Variants in ZNF254 observed in about 807,000 individuals in gnomAD.
ZNF254 encodes the protein CTD-2017D11.1.
ZNF254 carries 10 observed loss-of-function variants against 12.4 expected under a neutral mutation model. The ratio of observed to expected loss-of-function variants is 0.80; its 90% CI spans 0.50 to 1.36. The LOEUF is 1.36. ZNF254 is among the 40% of genes most tolerant of loss of function. ZNF254 has a pLI of 0.00. For synonymous variants in ZNF254, 305 were observed against 253.4 expected, an observed-to-expected ratio of 1.20 and a Z score of -1.93; for missense variants, 996 against 763.9, an observed-to-expected ratio of 1.30 and a Z score of -3.58.
intron 1 of ZNF254, among the ~76,000 whole-genome samples, chr19:24,044,133 A>T (rs529058803): frequency 6.6e-6 from 1 of 151,864 alleles, no homozygotes; most frequent in Admixed American, 6.6e-5. Flanking sequence ...CTAGCTACTC[A>T]GGAGGCAGAG....
intron 3 of ZNF254, among the ~76,000 whole-genome samples, chr19:24,115,206 C>T (rs568697022): frequency 2.6e-5 from 4 of 152,080 alleles, no homozygotes; most frequent in South Asian, 2.1e-4. Context: ...AATCATGCTG[C>T]TATAAAGACA....
chr19:24,124,791 CAA>C (rs200235018), intron 3 of ZNF254, among the ~76,000 whole-genome samples: 4,627 of 147,626 alleles, frequency 0.031, 122 homozygotes, highest in South Asian at 0.064. Flanking sequence ...TTTTTGGAAA[CAA>C]GAGTCTCACT....
chr19:24,111,432 T>C (rs1339859264), intron 3 of ZNF254, among the ~76,000 whole-genome samples: 3 of 152,214 alleles, frequency 2.0e-5, no homozygotes, highest in Non-Finnish European at 4.4e-5. Flanking sequence ...TGTGTCTTTA[T>C]AGCAGCATGA....
chr19:24,118,391 A>G (rs1038279951), intron 3 of ZNF254, among the ~76,000 whole-genome samples: 1 of 152,062 alleles, frequency 6.6e-6, no homozygotes, highest in Non-Finnish European at 1.5e-5. Flanking sequence ...GGTGTTTTTA[A>G]AAAATTGATA....
chr19:24,124,387 AG>A (rs1168791263), intron 3 of ZNF254, among the ~76,000 whole-genome samples: 2 of 152,146 alleles, frequency 1.3e-5, no homozygotes, highest in Admixed American at 6.6e-5. Flanking sequence ...CTGCACCACT[AG>A]GGTAATGCTA....
chr19:24,062,087 CAA>C (rs72097158), intron 2 of ZNF254, among the ~76,000 whole-genome samples: 7 of 115,068 alleles, frequency 6.1e-5, no homozygotes, highest in Admixed American at 9.4e-5. Flanking sequence ...CTCTGTCTCA[CAA>C]AAAAAAAAAA....
intron 1 of ZNF254, among the ~76,000 whole-genome samples, chr19:24,042,000 G>A (rs534206194): frequency 7.3e-6 from 1 of 137,832 alleles, no homozygotes; most frequent in Non-Finnish European, 1.6e-5. Context: ...TGCACCAGTC[G>A]ACACTCTGTA....
At chr19:24,041,618 C>G (rs1189840989) in intron 1 of ZNF254, among the ~76,000 whole-genome samples, 1 of 152,258 alleles carries the variant, frequency 6.6e-6, no homozygotes, top group Non-Finnish European at 1.5e-5. Context: ...GGCTCCTGTG[C>G]GGCCCGAGCC....
At chr19:24,090,591 C>A (rs1036281029) in intron 1 of ZNF254, among the ~76,000 whole-genome samples, 6 of 152,052 alleles carry the variant, frequency 3.9e-5, no homozygotes, top group Non-Finnish European at 1.5e-5. Context: ...TGTGCACCAC[C>A]ACACTCAGCT....
At position 24,106,387 on chromosome 19, in the gene ZNF254, A is replaced by G. The variant is rs899163614; in HGVS notation, c.158-161A>G. On this transcript the variant is annotated intron_variant, in intron 2 of 3. Transcript: ENST00000357002. The stretch of plus-strand genomic sequence containing the variant: ...AGGCAGTGAAATTAAGAACCTAAAA[A>G]ATTAAAATATTTCCTAAATATTTAA... 2.2e-5 allele frequency: 13 copies of G among 589,282 alleles called. No homozygotes were observed. The Admixed American group carries it at 5.2e-4, about 24-fold the overall frequency. The allele number at this position is 589,282 out of a possible 1,614,324, so 36.5% of individuals were successfully genotyped here.
At chr19:24,112,523 C>G (rs976685930) in intron 3 of ZNF254, among the ~76,000 whole-genome samples, 1 of 149,976 alleles carries the variant, frequency 6.7e-6, no homozygotes, top group East Asian at 2.0e-4. Context: ...GGCATTGAAT[C>G]TATAAATTAC....
rs1974871669 is a variant in ZNF254, at chr19:24,126,666, C to T, written c.666C>T (p.Ser222=). The part of the protein sequence containing the change: ...CKECGKTFNW[S]STLTNHRKIY... The stretch of plus-strand genomic sequence containing the variant: ...AATGTGGAAAAACCTTTAATTGGTC[C>T]TCAACCCTTACTAATCATAGGAAAA... The change falls in exon 4 of 4, where the codon TCC becomes TCT. Residue 222 remains serine (S), a synonymous_variant. Transcript: ENST00000357002. 4 of 1,613,002 alleles carry T rather than the reference C, an allele frequency of 2.5e-6. No homozygotes were observed. Among genetic ancestry groups the T allele is most frequent in the South Asian group, 2.2e-5 (2 of 90,846 alleles).
rs1011917524 is a variant in ZNF254 at position 24,129,761 on chromosome 19, G to C, written c.*1781G>C. On this transcript the variant is annotated 3_prime_UTR_variant, in exon 4 of 4. Coordinates refer to ENST00000357002, the MANE Select transcript of ZNF254 (RefSeq NM_203282.4). ...AAATTTACAATGTTATTGATTACAG[G>C]GTCATTTTTATGGTCATAATAAAAA... is the stretch of plus-strand genomic sequence containing the variant. The C allele has an allele frequency of 3.3e-5, 5 of 151,492 alleles. No individual in the cohort carries two copies. Among genetic ancestry groups the C allele is most frequent in the African/African-American group, 1.2e-4 (5 of 41,266 alleles). The allele number at this position is 151,492 out of a possible 1,614,324, so 9.4% of individuals were successfully genotyped here.
At chr19:24,122,084 A>C (rs765065719) in intron 3 of ZNF254, among the ~76,000 whole-genome samples, 4 of 152,218 alleles carry the variant, frequency 2.6e-5, no homozygotes, top group Non-Finnish European at 5.9e-5. Context: ...CTTGTCAAAA[A>C]AATAACAAAT....
chr19:24,054,702 G>A (rs73019406), intron 2 of ZNF254, among the ~76,000 whole-genome samples: 22,586 of 152,154 alleles, frequency 0.15, 1,940 homozygotes, highest in Middle Eastern at 0.23. Context: ...TGTGACTCAT[G>A]TATGAGCCTC....
chr19:24,072,288 C>T (rs1412625884), intron 2 of ZNF254, among the ~76,000 whole-genome samples: 1 of 151,970 alleles, frequency 6.6e-6, no homozygotes, highest in African/African-American at 2.4e-5. Flanking sequence ...TCTCCTGCCT[C>T]AGCCTCCCGA....
intron 1 of ZNF254, 104 bp from the exon 2 acceptor site, chr19:24,105,836 A>G (rs972159631): frequency 3.0e-5 from 44 of 1,489,298 alleles, no homozygotes; most frequent in Non-Finnish European, 3.7e-5. Context: ...AATCACTCTT[A>G]TAAGTCAGAA....
intron 2 of ZNF254, among the ~76,000 whole-genome samples, chr19:24,075,291 C>A (rs1305908127): frequency 1.3e-5 from 2 of 152,094 alleles, no homozygotes; most frequent in Non-Finnish European, 2.9e-5. Context: ...CTTTCTTGAC[C>A]CTGCCCATGG....
At chr19:24,056,458 G>A (rs1219462796) in intron 2 of ZNF254, among the ~76,000 whole-genome samples, 1 of 152,138 alleles carries the variant, frequency 6.6e-6, no homozygotes, top group East Asian at 1.9e-4. Context: ...TGCTGGCAAG[G>A]GAGATGGAGA....
Sources: allele counts gnomAD v4.1 joint callset (sites outside exome capture counted in the v4.1 genomes callset), GRCh38; gene constraint gnomAD v4.1.1; transcripts MANE v1.5; gene names NCBI Gene and HGNC (gene_info 2026-07-23, HGNC 2026-07-21).